Variants in ZNF705A observed in about 807,000 individuals in gnomAD.
ZNF705A encodes the protein zinc finger protein 705A.
ZNF705A carries 8 observed loss-of-function variants against 16.6 expected under a neutral mutation model. The ratio of observed to expected loss-of-function variants is 0.48; its 90% CI spans 0.28 to 0.87. ZNF705A has a LOEUF of 0.87. Ranked by LOEUF, ZNF705A falls within the 40% of genes least tolerant of loss-of-function variation. The pLI, the probability that ZNF705A is intolerant of heterozygous loss-of-function variation, is 0.10. For missense variants in ZNF705A, 233 were observed against 359.9 expected (o/e 0.65, Z 2.85); for synonymous variants, 73 against 117.3 (o/e 0.62, Z 2.44).
At chr12:8,160,739 G>A (rs779589632) in intron 1 of ZNF705A, among the ~76,000 whole-genome samples, 8 of 151,902 alleles carry the variant, frequency 5.3e-5, no homozygotes, top group Non-Finnish European at 1.0e-4. Context: ...GAATCGTCAG[G>A]GTTTTCGAGA....
exon 5 of ZNF705A, chr12:8,177,903 G>T (rs1255099550): frequency 1.9e-5 from 8 of 424,974 alleles, no homozygotes; most frequent in Non-Finnish European, 3.0e-5. Flanking sequence ...ATATGGAAGA[G>T]AAATTGTATG....
At chr12:8,172,877 A>T (rs1413853382) in intron 1 of ZNF705A, among the ~76,000 whole-genome samples, 2 of 152,206 alleles carry the variant, frequency 1.3e-5, no homozygotes, top group East Asian at 1.9e-4. Context: ...CTCCTAAATT[A>T]TCAATATAAT....
At chr12:8,175,879 G>A (rs1038814857) in exon 4 of ZNF705A, 30 of 1,611,348 alleles carry the variant, frequency 1.9e-5, no homozygotes, top group African/African-American at 2.7e-5. Flanking sequence ...GTGCCCTTAA[G>A]AAAAAACACA....
chr12:8,162,814 C>T (rs1486709430), intron 1 of ZNF705A, among the ~76,000 whole-genome samples: 1 of 152,224 alleles, frequency 6.6e-6, no homozygotes, highest in Non-Finnish European at 1.5e-5. Context: ...TTAGTGAACA[C>T]TTCCCAGACT....
chr12:8,171,325 T>C (rs10840918), upstream of ZNF705A, among the ~76,000 whole-genome samples: 70,504 of 152,000 alleles, frequency 0.46, 17,228 homozygotes, highest in Non-Finnish European at 0.56. Context: ...AAATAATACA[T>C]GCATGTTTCC....
rs558613133 is a variant in ZNF705A at position 8,162,645 on chromosome 12, C to T, written c.-72+5553C>T. Among the ~76,000 whole-genome samples, 47 of 152,240 alleles carry T rather than the reference C, an allele frequency of 3.1e-4. No individual in the cohort carries two copies. In the South Asian group the frequency reaches 9.1e-3, roughly 30 times the overall value. On this transcript the variant is annotated intron_variant, in intron 1 of 5. Transcript: ENST00000396570. ...TGTCTTCCCCCTCCAGCTGCAGTCC[C>T]TATCTTCTCCCACGGAGAGCAAGAA...
upstream of ZNF705A, chr12:8,168,992 A>T: frequency 6.6e-6 from 1 of 152,310 alleles, no homozygotes. Context: ...ATATTCAGGT[A>T]TTATTATTTT....
chr12:8,175,462 A>T, intron 3 of ZNF705A, 139 bp downstream of exon 4: 1 of 1,285,088 alleles, frequency 7.8e-7, no homozygotes, highest in Non-Finnish European at 1.1e-6. Context: ...AGAATTCCTT[A>T]GATGTTATTG....
intron 1 of ZNF705A, among the ~76,000 whole-genome samples, chr12:8,162,087 C>T (rs988855220): frequency 3.9e-5 from 6 of 152,156 alleles, no homozygotes; most frequent in African/African-American, 1.2e-4. Context: ...GCCTTCTTAA[C>T]AGGAAATTCA....
intron 4 of ZNF705A, 136 bp from the exon 6 acceptor site, chr12:8,176,863 T>G (rs1488967723): frequency 2.9e-6 from 4 of 1,366,846 alleles, no homozygotes; most frequent in Non-Finnish European, 4.0e-6. Flanking sequence ...TTTAATTTCC[T>G]TTCACACAAG....
At chr12:8,159,806 ATGCAAAAGTTCTT>A (rs1948339036) in intron 1 of ZNF705A, among the ~76,000 whole-genome samples, 1 of 152,110 alleles carries the variant, frequency 6.6e-6, no homozygotes, top group African/African-American at 2.4e-5. Context: ...TCCTTTTGCC[ATGCAAAAGTTCTT>A]TGGTTTAATT....
chr12:8,169,240 G>A (rs748416479), upstream of ZNF705A, among the ~76,000 whole-genome samples: 9 of 152,018 alleles, frequency 5.9e-5, no homozygotes, highest in South Asian at 1.2e-3. Flanking sequence ...TTCAGGGCAC[G>A]GTGCTTTCAC....
chr12:8,176,490 C>T (rs751834405), intron 4 of ZNF705A, among the ~76,000 whole-genome samples: 24 of 152,122 alleles, frequency 1.6e-4, no homozygotes, highest in Non-Finnish European at 2.6e-4. Context: ...TTTTCTGGCT[C>T]AGTGAATCTG....
At chr12:8,172,488 T>G, upstream of ZNF705A, 1 of 1,155,832 alleles carries the variant, frequency 8.7e-7, no homozygotes, top group South Asian at 1.2e-5. Context: ...AAAGTCTGGC[T>G]TTTCATCGGT....
At position 8,177,348 on chromosome 12, in the gene ZNF705A, C is replaced by A. The variant is rs150478104; in HGVS notation, c.668C>A (p.Thr223Lys). The change falls in exon 5 of 5, where the codon ACG (threonine) becomes AAG (lysine). Residue 223 changes from threonine (T) to lysine (K), a missense_variant. Transcript: ENST00000359286. Reference sequence around the variant, plus strand: ...CTTAGAAGACATGAGAAAACTCACACGGGAGAGAGACCATATAAGTGTCAT... The same window carrying A: ...CTTAGAAGACATGAGAAAACTCACAAGGGAGAGAGACCATATAAGTGTCAT... The A allele has an allele frequency of 1.0e-3, 1,628 of 1,611,052 alleles. 4 individuals carry two copies. The Middle Eastern group carries it at 0.014, about 14-fold the overall frequency.
At chr12:8,158,429 T>C (rs1001546764) in intron 1 of ZNF705A, among the ~76,000 whole-genome samples, 20 of 152,126 alleles carry the variant, frequency 1.3e-4, no homozygotes, top group African/African-American at 4.3e-4. Flanking sequence ...TTTAGCATAC[T>C]GTTTTTGAGA....
rs754964300 is a variant in ZNF705A at position 8,172,842 on chromosome 12, T to C, written c.12+205T>C. Among the ~76,000 whole-genome samples the C allele has an allele frequency of 1.2e-3, 189 of 152,362 alleles. 2 individuals are homozygous for C. In the Middle Eastern group the frequency reaches 0.014, roughly 11 times the overall value. On this transcript the variant is annotated intron_variant, in intron 1 of 4. Transcript: ENST00000359286. Reference sequence around the variant, plus strand: ...CTCCAATTAAGTTTTCTCAGGACTCTAGGTGGGGTATCGTGTGTCAAAGAC... The same window carrying C: ...CTCCAATTAAGTTTTCTCAGGACTCCAGGTGGGGTATCGTGTGTCAAAGAC...
chr12:8,176,267 T>C (rs1307233879), intron 4 of ZNF705A, among the ~76,000 whole-genome samples: 1 of 152,200 alleles, frequency 6.6e-6, no homozygotes, highest in Non-Finnish European at 1.5e-5. Context: ...ATAATGTGTA[T>C]GCAAATGTCA....
At chr12:8,163,217 G>C (rs1948371434) in intron 1 of ZNF705A, among the ~76,000 whole-genome samples, 1 of 152,066 alleles carries the variant, frequency 6.6e-6, no homozygotes, top group South Asian at 2.1e-4. Flanking sequence ...GAGATCTGTT[G>C]GATCTAGATC....
Sources: allele counts gnomAD v4.1 joint callset (sites outside exome capture counted in the v4.1 genomes callset), GRCh38; gene constraint gnomAD v4.1.1; transcripts MANE v1.5; gene names NCBI Gene and HGNC (gene_info 2026-07-23, HGNC 2026-07-21).